CERS3: variants seen among roughly 807,000 people sequenced by gnomAD.
CERS3 encodes ceramide synthase 3, also known as LAG1 homolog, ceramide synthase 3.
A neutral mutation model predicts 50.3 loss-of-function variants in CERS3; 33 were observed. That is an observed-to-expected ratio of 0.66 (90% CI 0.50 to 0.88). CERS3 has a LOEUF of 0.88. Ranked by LOEUF, CERS3 falls within the 40% of genes least tolerant of loss-of-function variation. CERS3 has a pLI of 0.00. For missense variants in CERS3, 470 were observed against 460.3 expected (o/e 1.02, Z -0.19); for synonymous variants, 176 against 155.2 (o/e 1.13, Z -0.99).
chr15:100,461,562 A>G (rs1168299970), intron 10 of CERS3, among the ~76,000 whole-genome samples: 1 of 152,238 alleles, frequency 6.6e-6, no homozygotes, highest in Non-Finnish European at 1.5e-5. Context: ...CCTATTACAT[A>G]GTAAGTATTC....
chr15:100,537,455 A>C (rs1487410078), intron 1 of CERS3, among the ~76,000 whole-genome samples: 1 of 152,194 alleles, frequency 6.6e-6, no homozygotes, highest in African/African-American at 2.4e-5. Flanking sequence ...TAAAGCAAAG[A>C]GGTTTAACTG....
chr15:100,493,180 T>C (rs1450202498), intron 3 of CERS3, among the ~76,000 whole-genome samples: 1 of 152,226 alleles, frequency 6.6e-6, no homozygotes, highest in Non-Finnish European at 1.5e-5. Context: ...GGATTTGAGT[T>C]ACTATCTTGT....
intron 4 of CERS3, among the ~76,000 whole-genome samples, chr15:100,486,704 G>A (rs1028050716): frequency 6.6e-6 from 1 of 152,230 alleles, no homozygotes; most frequent in Non-Finnish European, 1.5e-5. Context: ...TGCTCAGACC[G>A]AAGGGGCTCT....
upstream of CERS3, among the ~76,000 whole-genome samples, chr15:100,533,241 T>C (rs2036983776): frequency 6.6e-6 from 1 of 152,172 alleles, no homozygotes; most frequent in African/African-American, 2.4e-5. Context: ...TTCCTCCACG[T>C]CACCTGTCAC....
intron 11 of CERS3, among the ~76,000 whole-genome samples, chr15:100,412,404 T>C (rs950779087): frequency 6.6e-6 from 1 of 152,194 alleles, no homozygotes; most frequent in African/African-American, 2.4e-5. Context: ...TTCTATACCA[T>C]GGTCTTTATG....
At position 100,484,605 on chromosome 15, in the gene CERS3, T is replaced by G. The variant is rs77744297; in HGVS notation, c.352A>C (p.Arg118=). The G allele has an allele frequency of 2.2e-4, 357 of 1,614,210 alleles. 5 individuals carry two copies. The East Asian group carries it at 7.8e-3, about 35-fold the overall frequency. Residue 118 remains arginine (R), a synonymous_variant, in exon 5 of 12, where the codon AGG becomes CGG. Transcript: ENST00000679737. The part of the protein sequence containing the change: ...LTERQVERWF[R]SRRNQERPSR... ...GGCCTCTCTTGATTCCGCCGACTCC[T>G]AAACCATCTTTCCACCTGGCGCTCC...
intron 11 of CERS3, among the ~76,000 whole-genome samples, chr15:100,434,014 C>T (rs2033270203): frequency 6.6e-6 from 1 of 152,374 alleles, no homozygotes; most frequent in African/African-American, 2.4e-5. Flanking sequence ...CTGTTCTGGC[C>T]TTAGCCCCTG....
At chr15:100,538,511 A>C (rs2037125584) in intron 1 of CERS3, among the ~76,000 whole-genome samples, 1 of 152,222 alleles carries the variant, frequency 6.6e-6, no homozygotes, top group Non-Finnish European at 1.5e-5. Flanking sequence ...CAGCCCCAAC[A>C]CCACATGTAA....
intron 10 of CERS3, among the ~76,000 whole-genome samples, chr15:100,459,215 TTAAC>T (rs1014895757): frequency 3.4e-5 from 5 of 146,886 alleles, no homozygotes; most frequent in African/African-American, 4.9e-5. Context: ...ATATCATAAT[TTAAC>T]TAATCCCTTA....
At chr15:100,523,849 GCCA>G (rs2036710188) in intron 1 of CERS3, among the ~76,000 whole-genome samples, 1 of 152,110 alleles carries the variant, frequency 6.6e-6, no homozygotes, top group Non-Finnish European at 1.5e-5. Flanking sequence ...GTACTCAATA[GCCA>G]CATGTGGCTA....
At chr15:100,538,234 C>A (rs2037119242) in intron 1 of CERS3, among the ~76,000 whole-genome samples, 1 of 152,174 alleles carries the variant, frequency 6.6e-6, no homozygotes, top group African/African-American at 2.4e-5. Context: ...TTTCCAGGAG[C>A]ACAGTGCAAG....
chr15:100,413,092 A>G (rs1224706916), intron 11 of CERS3, among the ~76,000 whole-genome samples: 1 of 152,212 alleles, frequency 6.6e-6, no homozygotes, highest in African/African-American at 2.4e-5. Flanking sequence ...ACAAATTGTG[A>G]TGGATGCAGA....
chr15:100,473,133 T>A, intron 8 of CERS3, 81 bp from the exon 9 acceptor site: 1 of 1,412,106 alleles, frequency 7.1e-7, no homozygotes, highest in Non-Finnish European at 9.6e-7. Context: ...ATAATAATAA[T>A]GAGACCAATA....
intron 11 of CERS3, 31 bp from the exon 12 acceptor site, chr15:100,402,896 A>G (rs2030667623): frequency 1.3e-6 from 2 of 1,557,038 alleles, no homozygotes; most frequent in African/African-American, 2.7e-5. Context: ...GCTGTGAGTG[A>G]CAATCTTCCA....
At chr15:100,436,878 A>G (rs1039722840) in intron 11 of CERS3, among the ~76,000 whole-genome samples, 2 of 151,732 alleles carry the variant, frequency 1.3e-5, no homozygotes, top group Admixed American at 1.3e-4. Flanking sequence ...AGAGAGAGAC[A>G]CTGCAACATC....
intron 11 of CERS3, chr15:100,408,862 C>T (rs544514743): frequency 1.1e-4 from 16 of 152,310 alleles, no homozygotes; most frequent in African/African-American, 3.8e-4. Context: ...AACATTTCCT[C>T]CTCACAGCCA....
rs2033841649 is a variant in CERS3, at chr15:100,444,342, C to T, written c.999+11551G>A. ...CTCCCACAATTACCATTGTTCCTGG[C>T]CCGGACTTCAATCCGGCCTCCCACA... On this transcript the variant is annotated intron_variant, in intron 11 of 11. Transcript: ENST00000679737. Among the ~76,000 whole-genome samples, 3 of 144,974 alleles carry T rather than the reference C, an allele frequency of 2.1e-5. No individual in the cohort carries two copies. In the South Asian group the frequency reaches 6.9e-4, roughly 34 times the overall value.
intron 11 of CERS3, among the ~76,000 whole-genome samples, chr15:100,423,650 C>T (rs2032612377): frequency 6.6e-6 from 1 of 152,176 alleles, no homozygotes; most frequent in Non-Finnish European, 1.5e-5. Flanking sequence ...CTATCAGGTA[C>T]TATGCTCACT....
intron 11 of CERS3, among the ~76,000 whole-genome samples, chr15:100,410,234 G>A (rs2142055866): frequency 6.6e-6 from 1 of 152,326 alleles, no homozygotes; most frequent in African/African-American, 2.4e-5. Context: ...AAGAATGAGA[G>A]ACAAGTTCCT....
Sources: allele counts gnomAD v4.1 joint callset (sites outside exome capture counted in the v4.1 genomes callset), GRCh38; gene constraint gnomAD v4.1.1; transcripts MANE v1.5; gene names NCBI Gene and HGNC (gene_info 2026-07-23, HGNC 2026-07-21).